Variants in PPARGC1A observed in about 807,000 individuals in gnomAD.
PPARGC1A encodes the protein PPARG coactivator 1 alpha.
In PPARGC1A, 25 loss-of-function variants were observed where a neutral mutation model predicts 88.7. That is an observed-to-expected ratio of 0.28 (90% CI 0.21 to 0.39). The LOEUF (loss-of-function observed/expected upper bound fraction) is 0.39, where lower values mean the gene tolerates loss of function less well. Among genes scored for constraint, PPARGC1A ranks in the 10% least tolerant of loss-of-function variants. The pLI, the probability that PPARGC1A is intolerant of heterozygous loss-of-function variation, is 1.00. For synonymous variants in PPARGC1A, 363 were observed against 355.6 expected, an observed-to-expected ratio of 1.02 and a Z score of -0.24; for missense variants, 880 against 968.7, an observed-to-expected ratio of 0.91 and a Z score of 1.22.
At chr4:23,970,019 T>C in the PPARGC1A span, among the ~76,000 whole-genome samples, 2 of 152,170 alleles carry the variant, frequency 1.3e-5, no homozygotes, top group African/African-American at 4.8e-5. Flanking sequence ...TGATATAAGA[T>C]ATAAATACAT....
chr4:24,361,007 G>T, the PPARGC1A span, among the ~76,000 whole-genome samples: 1 of 152,178 alleles, frequency 6.6e-6, no homozygotes, highest in South Asian at 2.1e-4. Flanking sequence ...AGCTCCTGGT[G>T]GATTACAAGA....
the PPARGC1A span, among the ~76,000 whole-genome samples, chr4:24,375,609 G>A: frequency 2.6e-5 from 4 of 152,082 alleles, no homozygotes; most frequent in Admixed American, 6.6e-5. Context: ...CTGGGGATAC[G>A]GTAAATCACA....
the PPARGC1A span, among the ~76,000 whole-genome samples, chr4:24,137,909 C>A: frequency 7.4e-4 from 113 of 152,328 alleles, no homozygotes; most frequent in African/African-American, 2.6e-3. Context: ...CTTGATAATT[C>A]TATGATGACA....
the PPARGC1A span, among the ~76,000 whole-genome samples, chr4:24,449,287 G>A: frequency 6.6e-6 from 1 of 152,320 alleles, no homozygotes; most frequent in South Asian, 2.1e-4. Context: ...GCCCCCTGCA[G>A]CCATTAAACT....
intron 7 of PPARGC1A, 43 bp downstream of exon 7, chr4:23,824,237 A>T (rs1723513947): frequency 9.9e-6 from 15 of 1,514,658 alleles, no homozygotes; most frequent in Non-Finnish European, 1.4e-5. Context: ...ACACACATAT[A>T]CAGACAGACA....
chr4:23,803,467 A>G (rs1474759120), intron 10 of PPARGC1A, among the ~76,000 whole-genome samples: 1 of 152,212 alleles, frequency 6.6e-6, no homozygotes, highest in Non-Finnish European at 1.5e-5. Context: ...AGTCAATATC[A>G]TCATAGTCTG....
At chr4:24,191,037 A>G in the PPARGC1A span, among the ~76,000 whole-genome samples, 2 of 152,232 alleles carry the variant, frequency 1.3e-5, no homozygotes, top group Non-Finnish European at 2.9e-5. Flanking sequence ...TGCTGGATGA[A>G]GAAAGCAGCA....
intron 12 of PPARGC1A, among the ~76,000 whole-genome samples, chr4:23,796,196 ACC>A (rs1273066561): frequency 6.6e-6 from 1 of 151,130 alleles, no homozygotes; most frequent in East Asian, 2.0e-4. Context: ...GCAGATAACC[ACC>A]CTCCCCTTCC....
chr4:24,458,914 C>G, the PPARGC1A span, among the ~76,000 whole-genome samples: 1 of 152,052 alleles, frequency 6.6e-6, no homozygotes, highest in Non-Finnish European at 1.5e-5. Flanking sequence ...GAAATGCATA[C>G]ACCTAGAAAG....
intron 2 of PPARGC1A, among the ~76,000 whole-genome samples, chr4:23,848,278 T>G (rs976841296): frequency 1.3e-5 from 2 of 152,218 alleles, no homozygotes; most frequent in African/African-American, 4.8e-5. Context: ...AATTTATTTC[T>G]TCCTCACAGC....
At chr4:24,308,380 A>G in the PPARGC1A span, among the ~76,000 whole-genome samples, 1 of 152,078 alleles carries the variant, frequency 6.6e-6, no homozygotes, top group Non-Finnish European at 1.5e-5. Context: ...GTACATTTGA[A>G]TCAGGTTAAC....
At chr4:24,117,975 C>T in the PPARGC1A span, among the ~76,000 whole-genome samples, 1 of 152,132 alleles carries the variant, frequency 6.6e-6, no homozygotes, top group South Asian at 2.1e-4. Flanking sequence ...TGGAATTCCA[C>T]ACGACAAGAG....
the PPARGC1A span, among the ~76,000 whole-genome samples, chr4:24,272,527 T>C: frequency 6.6e-6 from 1 of 152,140 alleles, no homozygotes; most frequent in African/African-American, 2.4e-5. Context: ...AAAGAAAAAA[T>C]CTTGTGTGAA....
the PPARGC1A span, among the ~76,000 whole-genome samples, chr4:23,986,875 A>G: frequency 6.6e-6 from 1 of 152,214 alleles, no homozygotes; most frequent in South Asian, 2.1e-4. Context: ...AAACAAATCC[A>G]CAAAATGCAT....
the PPARGC1A span, among the ~76,000 whole-genome samples, chr4:24,153,118 G>A: frequency 6.6e-6 from 1 of 152,172 alleles, no homozygotes; most frequent in African/African-American, 2.4e-5. Context: ...GCAGAACTCA[G>A]ATTCAGAGAA....
chr4:24,208,837 T>G, the PPARGC1A span, among the ~76,000 whole-genome samples: 1 of 152,044 alleles, frequency 6.6e-6, no homozygotes, highest in Non-Finnish European at 1.5e-5. Context: ...ACAGTCATTG[T>G]GTTAAATATT....
chr4:24,191,170 C>T, the PPARGC1A span, among the ~76,000 whole-genome samples: 8,497 of 152,258 alleles, frequency 0.056, 346 homozygotes, highest in African/African-American at 0.11. Context: ...AAGAATCGAG[C>T]TGTATGTATT....
chr4:24,066,849 G>GTTTTTTTTTTTTTTTTTTT, the PPARGC1A span, among the ~76,000 whole-genome samples: 3 of 100,876 alleles, frequency 3.0e-5, no homozygotes, highest in Non-Finnish European at 5.8e-5. Flanking sequence ...TTTGTTTTGG[G>GTTTTTTTTTTTTTTTTTTT]TTTTTTTTTT....
the PPARGC1A span, among the ~76,000 whole-genome samples, chr4:24,387,838 A>AAGAGAGAG: frequency 3.2e-4 from 23 of 72,514 alleles, no homozygotes; most frequent in East Asian, 1.6e-3. Flanking sequence ...GAAAGAGAGA[A>AAGAGAGAG]AGAGAGAGAG....
Sources: allele counts gnomAD v4.1 joint callset (sites outside exome capture counted in the v4.1 genomes callset), GRCh38; gene constraint gnomAD v4.1.1; transcripts MANE v1.5; gene names NCBI Gene and HGNC (gene_info 2026-07-23, HGNC 2026-07-21).